Variants in ARHGEF10 observed in about 807,000 individuals in gnomAD.
ARHGEF10 encodes the protein Rho guanine nucleotide exchange factor (GEF) 10.
Under a neutral mutation model 147.4 loss-of-function variants are expected in ARHGEF10, and 140 were observed. The observed-to-expected ratio is 0.95, with a 90% CI of 0.83 to 1.09. ARHGEF10 has a LOEUF of 1.09. Among genes scored for constraint, ARHGEF10 ranks in the 50% least tolerant of loss-of-function variants. The pLI is 0.00. For missense variants in ARHGEF10, 2,222 were observed against 1,752.7 expected, an observed-to-expected ratio of 1.27 and a Z score of -4.78; for synonymous variants, 902 against 695.8, an observed-to-expected ratio of 1.30 and a Z score of -4.67.
intron 18 of ARHGEF10, among the ~76,000 whole-genome samples, chr8:1,914,712 T>C (rs1177734299): frequency 6.6e-6 from 1 of 152,214 alleles, no homozygotes; most frequent in Non-Finnish European, 1.5e-5. Flanking sequence ...ATCTGAACGT[T>C]GTACTGTAAA....
chr8:1,924,645 A>G (rs1812549909), intron 21 of ARHGEF10, among the ~76,000 whole-genome samples: 1 of 152,250 alleles, frequency 6.6e-6, no homozygotes, highest in Non-Finnish European at 1.5e-5. Context: ...TCACTTGATG[A>G]GGAAGCAGAA....
At chr8:1,939,334 A>T (rs992181492) in intron 26 of ARHGEF10, among the ~76,000 whole-genome samples, 1 of 152,232 alleles carries the variant, frequency 6.6e-6, no homozygotes, top group Admixed American at 6.5e-5. Flanking sequence ...AACATTTACC[A>T]AGTACCTAGC....
intron 2 of ARHGEF10, among the ~76,000 whole-genome samples, chr8:1,854,027 G>A (rs944252261): frequency 6.6e-6 from 1 of 152,228 alleles, no homozygotes; most frequent in East Asian, 1.9e-4. Flanking sequence ...GGACACAATT[G>A]AACCTGTCAG....
In ARHGEF10 at chr8:1,952,723, T is replaced by C; in HGVS notation, c.3416T>C (p.Val1139Ala). 6.2e-7 allele frequency: 1 copy of C among 1,612,956 alleles called. No individual in the cohort carries two copies. The highest frequency in any genetic ancestry group is 8.5e-7 in the Non-Finnish European group (1 of 1,179,906). Residue 1139 changes from valine to alanine, a missense_variant, in exon 28 of 29, where the codon GTG becomes GCG. By Grantham distance (64) the Val-to-Ala change is moderately conservative. Transcript: ENST00000349830. ...NMLPGHQRLSVTSLLVCHGLL... is the reference protein window; with the variant it reads ...NMLPGHQRLSATSLLVCHGLL... ...CGCCCAGGGCACCAGCGGCTGTCGG[T>C]GACGAGCCTGCTCGTCTGCCACGGA...
intron 27 of ARHGEF10, among the ~76,000 whole-genome samples, chr8:1,949,997 A>C (rs1814898970): frequency 6.6e-6 from 1 of 152,174 alleles, no homozygotes; most frequent in Non-Finnish European, 1.5e-5. Context: ...CCCAGCCTCC[A>C]GGGCGGGAGA....
intron 18 of ARHGEF10, among the ~76,000 whole-genome samples, chr8:1,912,541 G>C (rs6994401): frequency 0.41 from 61,704 of 150,368 alleles, 13,197 homozygotes; most frequent in African/African-American, 0.52. Context: ...TGGGTTTGCT[G>C]TCCGATGTTA....
At chr8:1,906,110 A>T (rs1436417700) in intron 17 of ARHGEF10, among the ~76,000 whole-genome samples, 1 of 152,210 alleles carries the variant, frequency 6.6e-6, no homozygotes, top group Admixed American at 6.5e-5. Flanking sequence ...GTATATTCAT[A>T]TTTATTGTAA....
intron 26 of ARHGEF10, among the ~76,000 whole-genome samples, chr8:1,944,487 G>T (rs1814397575): frequency 6.6e-6 from 1 of 152,236 alleles, no homozygotes; most frequent in Non-Finnish European, 1.5e-5. Flanking sequence ...GCGGCGTAGT[G>T]CCGCAGGATG....
chr8:1,956,569 C>A (rs1014715365), intron 28 of ARHGEF10, among the ~76,000 whole-genome samples, 180 bp from the exon 29 acceptor site: 1 of 152,008 alleles, frequency 6.6e-6, no homozygotes, highest in African/African-American at 2.4e-5. Flanking sequence ...AAGTAAAAAC[C>A]CAGAGGAATA....
intron 11 of ARHGEF10, 44 bp downstream of exon 11, chr8:1,885,751 G>A (rs1252273078): frequency 7.0e-7 from 1 of 1,429,946 alleles, no homozygotes; most frequent in Non-Finnish European, 9.9e-7. Flanking sequence ...CAGCAGAGCT[G>A]TGCTAGTTTT....
Position 1,923,499 on chromosome 8 carries a change from C to T in ARHGEF10, c.2291C>T (p.Thr764Ile), listed in dbSNP as rs1239171562. 5 of 1,613,950 alleles carry T rather than the reference C, an allele frequency of 3.1e-6. No individual in the cohort carries two copies. Among genetic ancestry groups the T allele is most frequent in the African/African-American group, 2.7e-5 (2 of 74,916 alleles). Residue 764 changes from threonine (T) to isoleucine (I), a missense_variant, in exon 20 of 29, where the codon ACA becomes ATA. Coordinates refer to ENST00000349830, the MANE Select transcript of ARHGEF10 (RefSeq NM_014629.4). ...AACCAGTCAGTAGCCCATGACTGGA[C>T]ATCAGGTTTACAAAGGCTTATTTTG... Reference protein sequence around the residue: ...NLNQSVAHDWTSGLQRLILKK... With the variant: ...NLNQSVAHDWISGLQRLILKK...
intron 11 of ARHGEF10, among the ~76,000 whole-genome samples, chr8:1,887,111 A>G (rs966062546): frequency 2.0e-5 from 3 of 152,204 alleles, no homozygotes; most frequent in African/African-American, 7.2e-5. Context: ...TGGGGCCCTC[A>G]CTGCATGTGG....
chr8:1,884,190 A>C (rs886497544), intron 10 of ARHGEF10, among the ~76,000 whole-genome samples: 2 of 152,082 alleles, frequency 1.3e-5, no homozygotes, highest in African/African-American at 2.4e-5. Flanking sequence ...TCAGGAGATC[A>C]AGACCATCCT....
rs1220161644 is a variant in ARHGEF10, at chr8:1,934,343, G to A, written c.3222+401G>A. On this transcript the variant is annotated intron_variant, in intron 26 of 28. Transcript: ENST00000349830. Reference sequence around the variant, plus strand: ...CACTCCAGCCTGGGTGACAGAACAAGACCCTGTCTCCAAAAAAAAAAAAAA... The same window carrying A: ...CACTCCAGCCTGGGTGACAGAACAAAACCCTGTCTCCAAAAAAAAAAAAAA... Among the ~76,000 whole-genome samples, 12 of 87,202 alleles carry A rather than the reference G, an allele frequency of 1.4e-4. No homozygotes were observed. The East Asian group carries it at 3.5e-3, about 25-fold the overall frequency. 57.2% of individuals were successfully genotyped at this position (87,202 alleles called of 152,430 possible).
At chr8:1,859,282 ATGGTGTTTCTTTGTGTG>A (rs1563188939) in intron 3 of ARHGEF10, among the ~76,000 whole-genome samples, 6 of 118,438 alleles carry the variant, frequency 5.1e-5, no homozygotes, top group African/African-American at 1.9e-4. Context: ...GGTTGTTTGC[ATGGTGTTTCTTTGTGTG>A]CAGCACGCGC....
At chr8:1,930,615 G>A (rs1311085661) in intron 25 of ARHGEF10, among the ~76,000 whole-genome samples, 4 of 151,190 alleles carry the variant, frequency 2.6e-5, no homozygotes, top group African/African-American at 9.7e-5. Context: ...CGTTCTCTCT[G>A]CTCTGAGTGC....
Position 1,953,542 on chromosome 8 carries a change from C to A in ARHGEF10, c.3520+715C>A, listed in dbSNP as rs1018558448. ...TAAAACATGCTTGTGTGTCTGGAAT[C>A]AGGATTCCCAATCCAGGGAATTGGC... is the stretch of plus-strand genomic sequence containing the variant. On this transcript the variant is annotated intron_variant, in intron 28 of 28. Coordinates refer to ENST00000349830, the MANE Select transcript of ARHGEF10 (RefSeq NM_014629.4). Among the ~76,000 whole-genome samples, 4 of 152,256 alleles carry A rather than the reference C, an allele frequency of 2.6e-5. No individual in the cohort carries two copies. In the East Asian group the frequency reaches 7.7e-4, roughly 29 times the overall value.
At chr8:1,927,571 G>T (rs1234382961) in intron 23 of ARHGEF10, 2 of 152,204 alleles carry the variant, frequency 1.3e-5, no homozygotes, top group African/African-American at 4.8e-5. Context: ...TCTCGTTGTA[G>T]AGATTCAAAC....
At chr8:1,883,389 G>C (rs1158834036) in intron 10 of ARHGEF10, among the ~76,000 whole-genome samples, 1 of 152,056 alleles carries the variant, frequency 6.6e-6, no homozygotes, top group Non-Finnish European at 1.5e-5. Flanking sequence ...GTCATACAGG[G>C]GTCGCTGTGA....
Sources: gnomAD v4.1 joint callset for allele counts (sites outside exome capture counted in the v4.1 genomes callset) on GRCh38, gnomAD v4.1.1 for gene constraint, MANE v1.5 for transcripts, NCBI Gene and HGNC (gene_info 2026-07-23, HGNC 2026-07-21) for gene names.